The following CNTNAP5 variants were observed in gnomAD, a reference collection of about 807,000 sequenced individuals.
CNTNAP5 encodes the protein contactin-associated protein-like 5.
A neutral mutation model predicts 150.2 loss-of-function variants in CNTNAP5; 72 were observed. The ratio of observed to expected loss-of-function variants is 0.48; its 90% CI spans 0.40 to 0.58. The LOEUF is 0.58. CNTNAP5 is among the 20% of genes least tolerant of loss of function. The pLI is 0.00. For missense variants in CNTNAP5, 1,636 were observed against 1,626.2 expected, an observed-to-expected ratio of 1.01 and a Z score of -0.10; for synonymous variants, 672 against 619.8, an observed-to-expected ratio of 1.08 and a Z score of -1.25.
At chr2:124,796,611 T>A (rs1418346363) in intron 18 of CNTNAP5, among the ~76,000 whole-genome samples, 1 of 152,200 alleles carries the variant, frequency 6.6e-6, no homozygotes, top group Non-Finnish European at 1.5e-5. Flanking sequence ...GCAACTTTAA[T>A]TTTTTGGCAC....
chr2:124,698,375 T>TAC (rs59897587), intron 13 of CNTNAP5, among the ~76,000 whole-genome samples: 4,486 of 147,398 alleles, frequency 0.03, 72 homozygotes, highest in Middle Eastern at 0.045. Context: ...GACGAGAGGA[T>TAC]ACACACACAC....
chr2:124,738,171 T>A (rs917775051), intron 13 of CNTNAP5, among the ~76,000 whole-genome samples: 4 of 152,168 alleles, frequency 2.6e-5, no homozygotes, highest in African/African-American at 9.7e-5. Context: ...CCACACTAAA[T>A]CTCTGAGGCT....
intron 19 of CNTNAP5, among the ~76,000 whole-genome samples, chr2:124,839,743 G>A (rs1412400682): frequency 2.0e-5 from 3 of 152,128 alleles, no homozygotes; most frequent in Non-Finnish European, 4.4e-5. Context: ...ATCTGACCCA[G>A]CCCGGCTGTA....
chr2:124,492,653 A>G (rs1029738477), intron 7 of CNTNAP5, among the ~76,000 whole-genome samples: 2 of 152,230 alleles, frequency 1.3e-5, no homozygotes, highest in African/African-American at 4.8e-5. Context: ...TTAAATATAC[A>G]GATGACTTTG....
chr2:124,561,932 T>C (rs77566076), intron 10 of CNTNAP5, among the ~76,000 whole-genome samples: 2,474 of 152,264 alleles, frequency 0.016, 66 homozygotes, highest in African/African-American at 0.056. Context: ...TCGCGGAATT[T>C]ATTTTCCTGT....
At chr2:124,640,044 G>A (rs111855638) in intron 12 of CNTNAP5, among the ~76,000 whole-genome samples, 264 of 152,120 alleles carry the variant, frequency 1.7e-3, no homozygotes, top group Non-Finnish European at 1.6e-3. Flanking sequence ...GCCTGTTAGC[G>A]AAACTTGCAC....
intron 1 of CNTNAP5, among the ~76,000 whole-genome samples, chr2:124,142,109 A>G (rs1220585324): frequency 6.9e-6 from 1 of 145,082 alleles, no homozygotes; most frequent in East Asian, 2.1e-4. Flanking sequence ...ATATTTATGC[A>G]CCCAATACAG....
At chr2:124,192,532 C>G (rs1685484129) in intron 1 of CNTNAP5, among the ~76,000 whole-genome samples, 1 of 152,122 alleles carries the variant, frequency 6.6e-6, no homozygotes. Context: ...TGCTGATATC[C>G]ACAACTGACA....
At chr2:124,826,931 T>A (rs905621831) in intron 19 of CNTNAP5, among the ~76,000 whole-genome samples, 23 of 152,214 alleles carry the variant, frequency 1.5e-4, no homozygotes, top group African/African-American at 5.5e-4. Flanking sequence ...TTCTTTCTTT[T>A]TTTTCTTGAG....
chr2:124,335,335 A>T (rs1348871700), intron 3 of CNTNAP5, among the ~76,000 whole-genome samples: 2 of 152,034 alleles, frequency 1.3e-5, no homozygotes, highest in Admixed American at 1.3e-4. Flanking sequence ...CTGAATAACA[A>T]TTTGTGTCTT....
intron 2 of CNTNAP5, among the ~76,000 whole-genome samples, chr2:124,226,295 C>A (rs899744846): frequency 6.6e-6 from 1 of 152,018 alleles, no homozygotes. Flanking sequence ...AAAGAGCCAT[C>A]CTAACGGGTG....
intron 1 of CNTNAP5, among the ~76,000 whole-genome samples, chr2:124,075,442 C>T (rs534609953): frequency 6.6e-6 from 1 of 152,110 alleles, no homozygotes; most frequent in Non-Finnish European, 1.5e-5. Flanking sequence ...AATCACTTTT[C>T]TCATTTATGT....
At chr2:124,876,766 T>C (rs1342118116) in intron 21 of CNTNAP5, among the ~76,000 whole-genome samples, 1 of 152,108 alleles carries the variant, frequency 6.6e-6, no homozygotes, top group Non-Finnish European at 1.5e-5. Context: ...ACAGCCTTTT[T>C]CAGACTCAAA....
At chr2:124,223,401 G>T (rs991280117) in intron 2 of CNTNAP5, among the ~76,000 whole-genome samples, 4 of 152,116 alleles carry the variant, frequency 2.6e-5, no homozygotes, top group African/African-American at 9.7e-5. Context: ...AGTGGCCCAG[G>T]AATGTCTGCC....
At position 124,903,845 on chromosome 2, in the gene CNTNAP5, GGAGTTC is replaced by G. The variant is rs200153367; in HGVS notation, c.3655+749_3655+754del. 8.6e-3 allele frequency among the ~76,000 whole-genome samples: 1,314 copies of G among 152,172 alleles called. 22 individuals are homozygous for G. The highest frequency in any genetic ancestry group is 0.03 in the African/African-American group (1,234 of 41,524). On this transcript the variant is annotated intron_variant, in intron 22 of 23. Transcript: ENST00000682447. ...AACGCAGGAGGATCACCTGAGGTCA[GGAGTTC>G]GAGACCAGTCTGGCCAACATGGCGA...
At chr2:124,417,762 A>G (rs960412972) in intron 4 of CNTNAP5, among the ~76,000 whole-genome samples, 172 bp downstream of exon 4, 4 of 152,226 alleles carry the variant, frequency 2.6e-5, no homozygotes, top group African/African-American at 9.6e-5. Context: ...AAAACATTCT[A>G]CTTAGGACTG....
chr2:124,776,339 T>G (rs1337098889), intron 17 of CNTNAP5, among the ~76,000 whole-genome samples: 2 of 152,108 alleles, frequency 1.3e-5, no homozygotes, highest in Non-Finnish European at 2.9e-5. Flanking sequence ...CTGAAGCTAC[T>G]CCAAACTTAC....
chr2:124,330,705 G>T (rs1222117969), intron 3 of CNTNAP5, among the ~76,000 whole-genome samples: 1 of 151,934 alleles, frequency 6.6e-6, no homozygotes, highest in Non-Finnish European at 1.5e-5. Context: ...CCTAGTCTTA[G>T]ATATTTCATC....
intron 14 of CNTNAP5, among the ~76,000 whole-genome samples, chr2:124,759,965 T>TTTTA (rs1491336232): frequency 2.1e-4 from 22 of 102,674 alleles, no homozygotes; most frequent in African/African-American, 8.2e-4. Flanking sequence ...TTTTTTTTTT[T>TTTTA]AAATCTGGAA....
Sources: gnomAD v4.1 joint callset for allele counts (sites outside exome capture counted in the v4.1 genomes callset) on GRCh38, gnomAD v4.1.1 for gene constraint, MANE v1.5 for transcripts, NCBI Gene and HGNC (gene_info 2026-07-23, HGNC 2026-07-21) for gene names.